Variants in HPSE2 observed in about 807,000 individuals in gnomAD.
The protein encoded by HPSE2 is heparanase 2 (inactive), also known as inactive heparanase-2.
In HPSE2, 38 loss-of-function variants were observed where a neutral mutation model predicts 60.5. The observed-to-expected ratio is 0.63, with a 90% CI of 0.48 to 0.82. The LOEUF (loss-of-function observed/expected upper bound fraction) is 0.82. Among genes scored for constraint, HPSE2 ranks in the 40% least tolerant of loss-of-function variants. The probability of loss-of-function intolerance (pLI) is 0.00; values close to 1 mark genes in which losing one functional copy is unlikely to be tolerated. For missense variants in HPSE2, 713 were observed against 740.4 expected (o/e 0.96, Z 0.43); for synonymous variants, 295 against 293.2 (o/e 1.01, Z -0.06).
intron 9 of HPSE2, among the ~76,000 whole-genome samples, chr10:98,614,260 G>A (rs545886107): frequency 1.3e-4 from 20 of 151,440 alleles, no homozygotes; most frequent in African/African-American, 4.6e-4. Context: ...CAGGCCACAA[G>A]TAGATGGGGA....
intron 3 of HPSE2, among the ~76,000 whole-genome samples, chr10:98,863,417 G>A (rs912552135): frequency 3.6e-4 from 55 of 152,138 alleles, no homozygotes; most frequent in African/African-American, 1.2e-3. Flanking sequence ...TTGGGAAGCA[G>A]TTATAGATAT....
At position 98,700,982 on chromosome 10, in the gene HPSE2, C is replaced by T. The variant is rs113198900; in HGVS notation, c.957-7035G>A. 5.2e-5 allele frequency among the ~76,000 whole-genome samples: 3 copies of T among 57,790 alleles called. 1 individual carries two copies. The highest frequency in any genetic ancestry group is 1.1e-4 in the African/African-American group (3 of 27,282). 37.9% of individuals were successfully genotyped at this position (57,790 alleles called of 152,430 possible). A position where few individuals can be genotyped will look rare whatever the true frequency, so the allele number is the denominator to read the frequency against. ...TTAGAATGGCGATCATTAAAAAGTC[C>T]GGAAACAACAGGTGCTGGAGAGGAT... On this transcript the variant is annotated intron_variant, in intron 5 of 11. Transcript: ENST00000370552.
chr10:99,233,520 A>G (rs768765844), intron 1 of HPSE2, among the ~76,000 whole-genome samples: 3 of 152,216 alleles, frequency 2.0e-5, no homozygotes, highest in Non-Finnish European at 2.9e-5. Context: ...GTAGAAAAGG[A>G]GCAATGCAGA....
At chr10:98,664,312 C>T (rs184554332) in intron 6 of HPSE2, among the ~76,000 whole-genome samples, 1 of 152,202 alleles carries the variant, frequency 6.6e-6, no homozygotes, top group East Asian at 1.9e-4. Flanking sequence ...GAAGAGCCCC[C>T]ACTCTCAGAA....
chr10:98,974,807 A>G (rs568125498), intron 3 of HPSE2, among the ~76,000 whole-genome samples: 1 of 152,250 alleles, frequency 6.6e-6, no homozygotes, highest in South Asian at 2.1e-4. Context: ...GTTAATAAAT[A>G]CCTCTCCATA....
chr10:99,287,340 G>A, the HPSE2 span, among the ~76,000 whole-genome samples: 5 of 152,200 alleles, frequency 3.3e-5, no homozygotes, highest in African/African-American at 9.6e-5. Flanking sequence ...GACTGGGCAG[G>A]AAGAACCTCA....
intron 9 of HPSE2, among the ~76,000 whole-genome samples, chr10:98,538,650 C>A (rs1486300523): frequency 6.6e-6 from 1 of 151,918 alleles, no homozygotes; most frequent in Non-Finnish European, 1.5e-5. Context: ...GCTTTTGCTG[C>A]CTGGGAATTG....
chr10:98,655,855 GCTTT>G (rs543187452), intron 6 of HPSE2, among the ~76,000 whole-genome samples: 47 of 152,216 alleles, frequency 3.1e-4, no homozygotes, highest in Non-Finnish European at 4.1e-4. Flanking sequence ...TGATCAAGAT[GCTTT>G]CTAAGGCCCT....
At chr10:99,042,891 T>C (rs1171976286) in intron 3 of HPSE2, among the ~76,000 whole-genome samples, 3 of 152,184 alleles carry the variant, frequency 2.0e-5, no homozygotes, top group South Asian at 2.1e-4. Flanking sequence ...ACTAAGTCTA[T>C]TGGCCTTAAG....
intron 6 of HPSE2, among the ~76,000 whole-genome samples, chr10:98,643,527 GCCTCATC>G (rs1188178464): frequency 6.6e-6 from 1 of 152,072 alleles, no homozygotes; most frequent in Non-Finnish European, 1.5e-5. Flanking sequence ...CATGTCCTTT[GCCTCATC>G]CCTTGTATAG....
In HPSE2 at chr10:98,726,767, G is replaced by A. The variant is rs866373874; in HGVS notation, c.785-4939C>T. Among the ~76,000 whole-genome samples the A allele has an allele frequency of 8.6e-5, 13 of 151,884 alleles. 1 individual carries two copies. In the South Asian group the frequency reaches 1.0e-3, roughly 12 times the overall value. ...AATCTAGAAGGCTAAATATGCTTAG[G>A]AGGGACTACAGGATAGAAGTGTGGA... On this transcript the variant is annotated intron_variant, in intron 4 of 11. Coordinates refer to ENST00000370552, the MANE Select transcript of HPSE2 (RefSeq NM_021828.5).
chr10:99,123,471 C>G (rs1845038962), intron 3 of HPSE2, among the ~76,000 whole-genome samples: 1 of 152,150 alleles, frequency 6.6e-6, no homozygotes, highest in Non-Finnish European at 1.5e-5. Context: ...AGATTAAAAA[C>G]AGCACTAAAG....
intron 5 of HPSE2, among the ~76,000 whole-genome samples, chr10:98,717,243 T>A (rs1379424533): frequency 6.6e-6 from 1 of 152,144 alleles, no homozygotes; most frequent in Non-Finnish European, 1.5e-5. Context: ...GGGAATATTG[T>A]GGCTGGTTTG....
At chr10:98,590,707 C>T (rs1338567535) in intron 9 of HPSE2, among the ~76,000 whole-genome samples, 1 of 152,162 alleles carries the variant, frequency 6.6e-6, no homozygotes, top group African/African-American at 2.4e-5. Context: ...AGCTTTCCCA[C>T]ACCAGGAAAA....
At chr10:98,556,310 C>T (rs546249789) in intron 9 of HPSE2, among the ~76,000 whole-genome samples, 4 of 152,276 alleles carry the variant, frequency 2.6e-5, no homozygotes, top group South Asian at 2.1e-4. Flanking sequence ...AGAGATAGTA[C>T]GCTGCCCCCA....
chr10:99,100,880 T>C (rs943413764), intron 3 of HPSE2, among the ~76,000 whole-genome samples: 12 of 152,140 alleles, frequency 7.9e-5, no homozygotes, highest in African/African-American at 2.2e-4. Context: ...GAATTTCATA[T>C]CCAGCCAAAC....
intron 3 of HPSE2, among the ~76,000 whole-genome samples, chr10:99,117,417 G>GAAAAAAAAAAAA (rs1157232317): frequency 3.6e-4 from 9 of 24,798 alleles, no homozygotes; most frequent in Admixed American, 2.5e-3. Flanking sequence ...TTGTTTTTTT[G>GAAAAAAAAAAAA]AAAAAAAAAA....
intron 9 of HPSE2, among the ~76,000 whole-genome samples, chr10:98,577,990 T>G (rs1314483197): frequency 6.6e-6 from 1 of 152,226 alleles, no homozygotes; most frequent in Non-Finnish European, 1.5e-5. Context: ...GAAATCTGCC[T>G]TATTATTAAC....
chr10:98,885,319 A>G (rs1953134474), intron 3 of HPSE2, among the ~76,000 whole-genome samples: 3 of 152,178 alleles, frequency 2.0e-5, no homozygotes, highest in African/African-American at 7.2e-5. Flanking sequence ...CTTGAGATGG[A>G]AACTATTCCT....
Sources: allele counts gnomAD v4.1 joint callset (sites outside exome capture counted in the v4.1 genomes callset), GRCh38; gene constraint gnomAD v4.1.1; transcripts MANE v1.5; gene names NCBI Gene and HGNC (gene_info 2026-07-23, HGNC 2026-07-21).